PAK6: variants seen among roughly 807,000 people sequenced by gnomAD.
PAK6 encodes the protein serine/threonine-protein kinase PAK 6.
Under a neutral mutation model 60.8 loss-of-function variants are expected in PAK6, and 33 were observed. The observed-to-expected ratio is 0.54, with a 90% confidence interval of 0.41 to 0.73. The LOEUF (loss-of-function observed/expected upper bound fraction) is 0.73, where lower values mean the gene tolerates loss of function less well. Ranked by LOEUF, PAK6 falls within the 30% of genes least tolerant of loss-of-function variation. The probability of loss-of-function intolerance (pLI) is 0.00; values close to 1 mark genes in which losing one functional copy is unlikely to be tolerated. For synonymous variants in PAK6, 404 were observed against 378.5 expected (o/e 1.07, Z -0.78); for missense variants, 845 against 904.1 (o/e 0.93, Z 0.84).
exon 6 of PAK6, chr15:40,272,665 G>A: frequency 6.2e-7 from 1 of 1,604,948 alleles, no homozygotes; most frequent in Non-Finnish European, 8.5e-7. Flanking sequence ...CCGCCAGGTG[G>A]CCGTCAAGAT....
At chr15:40,268,929 C>T (rs972505312) in intron 5 of PAK6, among the ~76,000 whole-genome samples, 3 of 152,218 alleles carry the variant, frequency 2.0e-5, no homozygotes, top group African/African-American at 4.8e-5. Flanking sequence ...CCAGTGCCTA[C>T]AGGACAACCA....
intron 3 of PAK6, 149 bp downstream of exon 3, chr15:40,253,438 G>A (rs1025254124): frequency 5.5e-6 from 2 of 363,502 alleles, no homozygotes; most frequent in Non-Finnish European, 1.1e-5. Flanking sequence ...TCCAGGTGCC[G>A]TCTCTCGATC....
At chr15:40,245,037 G>A (rs1021874701) in intron 2 of PAK6, 1 of 152,266 alleles carries the variant, frequency 6.6e-6, no homozygotes, top group Non-Finnish European at 1.5e-5. Flanking sequence ...TGCTGCCTCG[G>A]TCAGCCAATC....
intron 3 of PAK6, 111 bp from the exon 4 acceptor site, chr15:40,264,670 T>A: frequency 1.2e-6 from 1 of 858,884 alleles, no homozygotes; most frequent in Non-Finnish European, 1.9e-6. Flanking sequence ...CCTAGGCTTC[T>A]AGGGGAGCTG....
intron 2 of PAK6, among the ~76,000 whole-genome samples, chr15:40,240,990 C>A (rs2038313857): frequency 6.6e-6 from 1 of 152,220 alleles, no homozygotes; most frequent in Non-Finnish European, 1.5e-5. Flanking sequence ...CACTTTACCA[C>A]CTCTGGGACA....
chr15:40,267,251 C>T (rs1292977821), intron 5 of PAK6, among the ~76,000 whole-genome samples: 1 of 152,126 alleles, frequency 6.6e-6, no homozygotes, highest in East Asian at 1.9e-4. Context: ...AGCCTGGGTA[C>T]TCCCCTGTCA....
chr15:40,272,488 G>A (rs1267730521), exon 6 of PAK6: 2 of 1,613,824 alleles, frequency 1.2e-6, no homozygotes, highest in Non-Finnish European at 1.7e-6. Context: ...GGTTGCCAAG[G>A]GTGCCCTGGC....
chr15:40,263,762 G>A (rs1171839155), intron 3 of PAK6: 16 of 381,704 alleles, frequency 4.2e-5, no homozygotes, highest in Non-Finnish European at 5.9e-5. Flanking sequence ...CTACAGGCAC[G>A]TGCCACCAGG....
chr15:40,269,839 C>T (rs1319267649), intron 5 of PAK6, among the ~76,000 whole-genome samples: 1 of 152,244 alleles, frequency 6.6e-6, no homozygotes, highest in Non-Finnish European at 1.5e-5. Context: ...AGCACAGGGA[C>T]CTGGCCTGTG....
intron 5 of PAK6, among the ~76,000 whole-genome samples, chr15:40,271,367 C>T (rs2039296329): frequency 6.6e-6 from 1 of 152,188 alleles, no homozygotes; most frequent in Admixed American, 6.5e-5. Flanking sequence ...CCCTTCCTCC[C>T]TCCCTGCCAG....
At chr15:40,273,067 G>T in intron 7 of PAK6, 68 bp downstream of exon 7, 3 of 1,573,970 alleles carry the variant, frequency 1.9e-6, no homozygotes, top group Non-Finnish European at 2.6e-6. Flanking sequence ...AGGGCAATGT[G>T]GTCTTCTGCC....
intron 2 of PAK6, chr15:40,245,506 G>A (rs973931274): frequency 3.3e-5 from 5 of 152,348 alleles, no homozygotes; most frequent in African/African-American, 9.7e-5. Flanking sequence ...AGCACAGAGG[G>A]TGGAGGGAGC....
At chr15:40,257,817 T>G (rs1024138800) in intron 3 of PAK6, among the ~76,000 whole-genome samples, 8 of 152,106 alleles carry the variant, frequency 5.3e-5, no homozygotes, top group Non-Finnish European at 7.4e-5. Flanking sequence ...ACAGTGCAGC[T>G]GCTTTTCTCA....
intron 3 of PAK6, among the ~76,000 whole-genome samples, chr15:40,253,670 G>A (rs1006258201): frequency 6.6e-6 from 1 of 152,352 alleles, no homozygotes; most frequent in African/African-American, 2.4e-5. Flanking sequence ...TGGCTGTGCA[G>A]GGCAGGGTGG....
intron 2 of PAK6, 199 bp from the exon 3 acceptor site, chr15:40,252,979 C>T (rs1272874235): frequency 3.4e-6 from 2 of 594,630 alleles, no homozygotes; most frequent in South Asian, 2.0e-5. Flanking sequence ...GGGGCCGCCC[C>T]GGAAGCGGTG....
chr15:40,252,778 G>A lies in PAK6; in HGVS notation c.-117-400G>A, dbSNP rs746340915. On this transcript the variant is annotated intron_variant, in intron 2 of 10. Coordinates refer to ENST00000560346, the Ensembl canonical transcript of PAK6. The stretch of plus-strand genomic sequence containing the variant: ...CCCCCTTCCTGGGTGCCCATGCCCC[G>A]AAGTTCGGGACCAGCCGGCGCCAGG... The A allele has an allele frequency of 5.4e-6, 7 of 1,300,790 alleles. No individual in the cohort carries two copies. In the Admixed American group the frequency reaches 1.6e-4, roughly 30 times the overall value. The allele number at this position is 1,300,790 out of a possible 1,614,324, so 80.6% of individuals were successfully genotyped here. A position where few individuals can be genotyped will look rare whatever the true frequency, so the allele number is the denominator to read the frequency against.
At chr15:40,271,130 C>T (rs916833733) in intron 5 of PAK6, among the ~76,000 whole-genome samples, 8 of 152,338 alleles carry the variant, frequency 5.3e-5, no homozygotes, top group Non-Finnish European at 1.0e-4. Flanking sequence ...TTTTCTGCAT[C>T]CCCTGAAGCA....
chr15:40,240,589 T>TTTTTTTTTTTTTTTTC lies in PAK6; in HGVS notation c.-200-9_-200-8insTTTTTTTTTTTTTTCT. On this transcript the variant is annotated splice_polypyrimidine_tract_variant and intron_variant, in intron 1 of 10. Coordinates refer to ENST00000560346, the Ensembl canonical transcript of PAK6. ...TTTTTTTTTTTTTTTTTTTTCTATT[T>TTTTTTTTTTTTTTTTC]TGCCTGAAGGGAGTGCCGCTTCCTG... 1 of 423,050 alleles carries TTTTTTTTTTTTTTTTC rather than the reference T, an allele frequency of 2.4e-6. No individual in the cohort carries two copies. The highest frequency in any genetic ancestry group is 4.6e-6 in the Non-Finnish European group (1 of 218,166). 26.2% of individuals were successfully genotyped at this position (423,050 alleles called of 1,614,324 possible).
chr15:40,264,893 C>A (rs768544182), exon 4 of PAK6: 2 of 1,613,880 alleles, frequency 1.2e-6, no homozygotes, highest in Non-Finnish European at 1.7e-6. Flanking sequence ...TTGTGGGCCT[C>A]CCCCCACAAT....
Sources: gnomAD v4.1 joint callset for allele counts (sites outside exome capture counted in the v4.1 genomes callset) on GRCh38, gnomAD v4.1.1 for gene constraint, MANE v1.5 for transcripts, NCBI Gene and HGNC (gene_info 2026-07-23, HGNC 2026-07-21) for gene names.